The following GRM7 variants were observed in gnomAD, a reference collection of about 807,000 sequenced individuals.
GRM7 encodes glutamate metabotropic receptor 7.
A neutral mutation model predicts 84.5 loss-of-function variants in GRM7; 35 were observed. The ratio of observed to expected loss-of-function variants is 0.41; its 90% CI spans 0.32 to 0.55. GRM7 has a LOEUF of 0.55. GRM7 is among the 20% of genes least tolerant of loss of function. The probability of loss-of-function intolerance (pLI) is 0.19; values close to 1 mark genes in which losing one functional copy is unlikely to be tolerated. For synonymous variants in GRM7, 487 were observed against 455.1 expected (o/e 1.07, Z -0.89); for missense variants, 1,003 against 1,194.6 (o/e 0.84, Z 2.36).
intron 1 of GRM7, among the ~76,000 whole-genome samples, chr3:6,933,114 G>A (rs1697568218): frequency 6.6e-6 from 1 of 152,052 alleles, no homozygotes; most frequent in African/African-American, 2.4e-5. Flanking sequence ...AAAGAATAAA[G>A]CAAAACATTT....
At chr3:6,943,883 G>T (rs143025306) in intron 1 of GRM7, among the ~76,000 whole-genome samples, 11 of 152,002 alleles carry the variant, frequency 7.2e-5, no homozygotes, top group South Asian at 2.1e-4. Context: ...TTAAGTGTAC[G>T]GGTGTTGTAC....
intron 3 of GRM7, among the ~76,000 whole-genome samples, chr3:7,306,125 C>T (rs920492237): frequency 2.0e-5 from 3 of 152,238 alleles, no homozygotes; most frequent in South Asian, 4.1e-4. Context: ...ATTTCTCCAG[C>T]CCCAAGCCAA....
intron 1 of GRM7, among the ~76,000 whole-genome samples, chr3:6,891,780 G>C (rs372668070): frequency 1.3e-5 from 2 of 152,162 alleles, no homozygotes; most frequent in African/African-American, 4.8e-5. Flanking sequence ...ATGTTGGCCT[G>C]CCTTGCTAGA....
intron 7 of GRM7, among the ~76,000 whole-genome samples, chr3:7,483,061 GAAGA>G (rs1298940582): frequency 6.6e-6 from 1 of 152,164 alleles, no homozygotes; most frequent in Non-Finnish European, 1.5e-5. Flanking sequence ...AACAAGAGGT[GAAGA>G]ATGAGTATCT....
At chr3:7,431,775 C>T (rs1443927804) in intron 5 of GRM7, among the ~76,000 whole-genome samples, 2 of 152,092 alleles carry the variant, frequency 1.3e-5, no homozygotes, top group Non-Finnish European at 2.9e-5. Flanking sequence ...TTGTTCACCG[C>T]AGTACACTCT....
chr3:7,315,934 G>GA (rs541932271), intron 4 of GRM7, among the ~76,000 whole-genome samples: 78 of 152,216 alleles, frequency 5.1e-4, no homozygotes, highest in African/African-American at 1.9e-3. Flanking sequence ...TATAAAGTAA[G>GA]AAAAAATAGA....
chr3:7,271,562 T>TCAAA (rs1698862865), intron 2 of GRM7, among the ~76,000 whole-genome samples: 1 of 88,808 alleles, frequency 1.1e-5, no homozygotes, highest in Non-Finnish European at 2.1e-5. Context: ...CCGCCTCAAA[T>TCAAA]AAAAAAAAAA....
chr3:7,191,160 T>C (rs1695699055), intron 2 of GRM7, among the ~76,000 whole-genome samples: 1 of 152,096 alleles, frequency 6.6e-6, no homozygotes, highest in African/African-American at 2.4e-5. Flanking sequence ...AAATTGAAGA[T>C]GTTAATATTC....
intron 2 of GRM7, among the ~76,000 whole-genome samples, chr3:7,175,607 G>A (rs752579584): frequency 2.6e-5 from 4 of 151,586 alleles, no homozygotes; most frequent in Non-Finnish European, 5.9e-5. Context: ...GTGTGATCTC[G>A]GCTCACTGCA....
chr3:6,875,549 C>T (rs1021082865), intron 1 of GRM7, among the ~76,000 whole-genome samples: 4 of 152,116 alleles, frequency 2.6e-5, no homozygotes, highest in Non-Finnish European at 2.9e-5. Flanking sequence ...CCTCCCCAGC[C>T]GTGTGGAACT....
intron 1 of GRM7, among the ~76,000 whole-genome samples, chr3:6,965,194 T>G (rs374431125): frequency 6.6e-6 from 1 of 152,206 alleles, no homozygotes; most frequent in Admixed American, 6.5e-5. Context: ...GGAAAACTAA[T>G]GCAGCTGAAG....
At chr3:7,079,328 G>T (rs553888519) in intron 1 of GRM7, among the ~76,000 whole-genome samples, 1 of 152,146 alleles carries the variant, frequency 6.6e-6, no homozygotes, top group South Asian at 2.1e-4. Context: ...AATAATGCTG[G>T]TTCTTCTACA....
chr3:7,016,323 A>G (rs77308119), intron 1 of GRM7, among the ~76,000 whole-genome samples: 7,144 of 152,274 alleles, frequency 0.047, 553 homozygotes, highest in African/African-American at 0.16. Context: ...AAGGTGTTTT[A>G]CTTGGGTGAA....
chr3:7,282,101 C>A (rs4684549), intron 2 of GRM7, among the ~76,000 whole-genome samples: 136,683 of 152,170 alleles, frequency 0.9, 61,653 homozygotes, highest in East Asian at 0.98. Flanking sequence ...AAACAAAAAA[C>A]AGGTACCTAC....
At chr3:7,666,676 T>C (rs999540041) in intron 8 of GRM7, among the ~76,000 whole-genome samples, 11 of 152,190 alleles carry the variant, frequency 7.2e-5, no homozygotes, top group Non-Finnish European at 1.5e-4. Flanking sequence ...TGGTTAAACA[T>C]ATCTGAGACA....
In GRM7 at chr3:7,598,799, G is replaced by A. The variant is rs74938305; in HGVS notation, c.2451+19442G>A. Among the ~76,000 whole-genome samples the A allele has an allele frequency of 4.0e-3, 616 of 152,228 alleles. 5 individuals carry two copies. The highest frequency in any genetic ancestry group is 0.014 in the African/African-American group (593 of 41,554). ...CCATGATGAAAAAATAAGTGTTTGCGTCAATAGTGAAATAATCAGTAATTG... is the reference window on the plus strand; with the variant it reads ...CCATGATGAAAAAATAAGTGTTTGCATCAATAGTGAAATAATCAGTAATTG... On this transcript the variant is annotated intron_variant, in intron 8 of 9. Transcript: ENST00000357716.
chr3:7,238,679 C>T (rs1697433022), intron 2 of GRM7, among the ~76,000 whole-genome samples: 1 of 152,148 alleles, frequency 6.6e-6, no homozygotes, highest in South Asian at 2.1e-4. Flanking sequence ...AGCTTGCTCA[C>T]ACTCCCCTTC....
intron 1 of GRM7, among the ~76,000 whole-genome samples, chr3:7,005,329 C>T (rs1695148338): frequency 6.6e-6 from 1 of 152,190 alleles, no homozygotes; most frequent in African/African-American, 2.4e-5. Flanking sequence ...CCTCTATCCC[C>T]AGCTACCTGG....
chr3:7,204,421 A>C (rs932587864), intron 2 of GRM7, among the ~76,000 whole-genome samples: 2 of 152,250 alleles, frequency 1.3e-5, no homozygotes, highest in African/African-American at 4.8e-5. Context: ...CCCATCAATT[A>C]TTTAACCAGT....
Sources: allele counts gnomAD v4.1 joint callset (sites outside exome capture counted in the v4.1 genomes callset), GRCh38; gene constraint gnomAD v4.1.1; transcripts MANE v1.5; gene names NCBI Gene and HGNC (gene_info 2026-07-23, HGNC 2026-07-21).